The following MINDY2 variants were observed in gnomAD, a reference collection of about 807,000 sequenced individuals.
MINDY2 encodes ubiquitin carboxyl-terminal hydrolase MINDY-2.
A neutral mutation model predicts 68.2 loss-of-function variants in MINDY2; 52 were observed. The ratio of observed to expected loss-of-function variants is 0.76; its 90% confidence interval spans 0.61 to 0.96. The LOEUF (loss-of-function observed/expected upper bound fraction) is 0.96. MINDY2 is among the 40% of genes least tolerant of loss of function. The probability of loss-of-function intolerance (pLI) is 0.00; values close to 1 mark genes in which losing one functional copy is unlikely to be tolerated. For missense variants in MINDY2, 881 were observed against 773.4 expected (o/e 1.14, Z -1.65); for synonymous variants, 372 against 303.0 (o/e 1.23, Z -2.36).
intron 4 of MINDY2, among the ~76,000 whole-genome samples, chr15:58,814,152 C>G (rs369295246): frequency 1.3e-5 from 2 of 151,990 alleles, no homozygotes; most frequent in Non-Finnish European, 2.9e-5. Flanking sequence ...GTTAATCAGA[C>G]TGGTCATGAA....
chr15:58,821,849 T>A, intron 5 of MINDY2, 30 bp downstream of exon 5: 2 of 1,451,446 alleles, frequency 1.4e-6, no homozygotes, highest in Non-Finnish European at 1.9e-6. Context: ...TCCTGACTTT[T>A]GAAATTCTTG....
chr15:58,851,908 C>A lies in MINDY2; in HGVS notation c.1680C>A (p.Tyr560Ter). Residue 560 changes from tyrosine to a stop codon, truncating the protein, a stop_gained, in exon 8 of 9, where the codon TAC becomes TAA. Transcript: ENST00000559228. LOFTEE classifies it high-confidence loss of function. ...AAGAGGACAGACGGGCTTCTCAATA[C>A]TATCAGGAACAGGAACAAGCAGCAG... ...QEEEDRRASQ[Y>*]YQEQEQAAAA... 1 of 1,608,928 alleles carries A rather than the reference C, an allele frequency of 6.2e-7. No individual in the cohort carries two copies.
rs572997970 is a variant in MINDY2, at chr15:58,771,840, G to C, written c.445G>C (p.Glu149Gln). ...CQAELTAAGSEEPSSAGGLSS... is the reference protein window; with the variant it reads ...CQAELTAAGSQEPSSAGGLSS... ...AGCAGAACTGACCGCCGCCGGCTCCGAAGAGCCCAGCAGCGCCGGCGGCCT... is the reference window on the plus strand; with the variant it reads ...AGCAGAACTGACCGCCGCCGGCTCCCAAGAGCCCAGCAGCGCCGGCGGCCT... Residue 149 changes from glutamate (E) to glutamine (Q), a missense_variant, in exon 1 of 9, where the codon GAA becomes CAA. By Grantham distance (29) the Glu-to-Gln change is conservative. Coordinates refer to ENST00000559228, the MANE Select transcript of MINDY2 (RefSeq NM_001040450.3). 7 of 1,606,630 alleles carry C rather than the reference G, an allele frequency of 4.4e-6. No homozygotes were observed. Among genetic ancestry groups the C allele is most frequent in the African/African-American group, 2.7e-5 (2 of 74,898 alleles).
chr15:58,816,579 A>G (rs1265113068), intron 4 of MINDY2, among the ~76,000 whole-genome samples: 1 of 152,046 alleles, frequency 6.6e-6, no homozygotes, highest in African/African-American at 2.4e-5. Context: ...CTCACATACA[A>G]AGTATTTTAA....
intron 3 of MINDY2, 98 bp downstream of exon 3, chr15:58,802,475 A>T (rs1438191436): frequency 1.4e-6 from 1 of 726,796 alleles, no homozygotes; most frequent in African/African-American, 1.8e-5. Flanking sequence ...AAAGGATTAG[A>T]TAGTAAACAC....
At chr15:58,826,414 A>C (rs2141009562) in intron 5 of MINDY2, among the ~76,000 whole-genome samples, 1 of 152,004 alleles carries the variant, frequency 6.6e-6, no homozygotes, top group African/African-American at 2.4e-5. Context: ...TTTTTAGTAG[A>C]GATGGGGTTT....
chr15:58,823,248 C>T (rs569432658), intron 5 of MINDY2, among the ~76,000 whole-genome samples: 7 of 151,860 alleles, frequency 4.6e-5, no homozygotes, highest in East Asian at 1.9e-4. Context: ...AGCCATTCTC[C>T]TTCCTCAGCC....
At chr15:58,787,172 T>A (rs1170229111) in intron 1 of MINDY2, among the ~76,000 whole-genome samples, 1 of 143,474 alleles carries the variant, frequency 7.0e-6, no homozygotes, top group Non-Finnish European at 1.5e-5. Flanking sequence ...TTTACTCTGT[T>A]GCCCAGGCCA....
intron 2 of MINDY2, among the ~76,000 whole-genome samples, chr15:58,797,432 T>C (rs1249951045): frequency 3.9e-5 from 6 of 152,144 alleles, no homozygotes; most frequent in Non-Finnish European, 8.8e-5. Context: ...CACTTGAGCC[T>C]GGAAGTTCAA....
intron 2 of MINDY2, among the ~76,000 whole-genome samples, chr15:58,798,329 G>C (rs191517021): frequency 6.8e-6 from 1 of 147,300 alleles, no homozygotes; most frequent in African/African-American, 2.5e-5. Context: ...ATTTGTCTAT[G>C]TTGGCCAGGC....
At chr15:58,778,794 TTTTTTTTC>T (rs1389643871) in intron 1 of MINDY2, among the ~76,000 whole-genome samples, 1 of 143,116 alleles carries the variant, frequency 7.0e-6, no homozygotes, top group South Asian at 2.2e-4. Context: ...GCCCACCTAA[TTTTTTTTC>T]TTTTTTTCTT....
Position 58,855,349 on chromosome 15 carries a change from G to A in MINDY2, c.*739G>A, listed in dbSNP as rs16940856. The A allele has an allele frequency of 0.094, 14,376 of 152,454 alleles. 724 individuals carry two copies. The highest frequency in any genetic ancestry group is 0.17 in the Admixed American group (2,537 of 15,258). 9.4% of individuals were successfully genotyped at this position (152,454 alleles called of 1,614,324 possible). On this transcript the variant is annotated 3_prime_UTR_variant, in exon 9 of 9. Coordinates refer to ENST00000559228, the MANE Select transcript of MINDY2 (RefSeq NM_001040450.3). ...TGTTGTAAAATTTTGAGGAATTTTGGAGTCTTTATCATAGGTAACCTGGAC... is the reference window on the plus strand; with the variant it reads ...TGTTGTAAAATTTTGAGGAATTTTGAAGTCTTTATCATAGGTAACCTGGAC...
At chr15:58,833,309 A>G (rs1595763680) in intron 6 of MINDY2, among the ~76,000 whole-genome samples, 1 of 152,186 alleles carries the variant, frequency 6.6e-6, no homozygotes, top group South Asian at 2.1e-4. Context: ...CACACACTAT[A>G]CCTTCTAATT....
intron 4 of MINDY2, among the ~76,000 whole-genome samples, chr15:58,821,215 T>C (rs1445725726): frequency 6.6e-6 from 1 of 151,620 alleles, no homozygotes; most frequent in East Asian, 1.9e-4. Context: ...TCTACTCATA[T>C]CTCCACTATA....
Position 58,812,457 on chromosome 15 carries a change from A to G in MINDY2, c.1122+2069A>G, listed in dbSNP as rs1595739408. ...GTCTCAAAAAAAAAAAAAAAGAAAT[A>G]ATAAAGAATGATCCCTCATACCTTT... On this transcript the variant is annotated intron_variant, in intron 4 of 8. Coordinates refer to ENST00000559228, the MANE Select transcript of MINDY2 (RefSeq NM_001040450.3). Among the ~76,000 whole-genome samples the G allele has an allele frequency of 2.0e-5, 3 of 152,072 alleles. No homozygotes were observed. The South Asian group carries it at 6.2e-4, about 32-fold the overall frequency.
intron 4 of MINDY2, among the ~76,000 whole-genome samples, chr15:58,811,691 T>G (rs576500279): frequency 6.6e-6 from 1 of 152,316 alleles, no homozygotes; most frequent in South Asian, 2.1e-4. Context: ...ACTCCCACTT[T>G]CTGATTTCCT....
intron 7 of MINDY2, among the ~76,000 whole-genome samples, chr15:58,848,732 C>T (rs945538897): frequency 3.9e-5 from 6 of 152,018 alleles, no homozygotes; most frequent in South Asian, 2.1e-4. Flanking sequence ...GGCAACAGAG[C>T]GAGACTCCAT....
chr15:58,798,103 T>C (rs1260608716), intron 2 of MINDY2, among the ~76,000 whole-genome samples: 1 of 152,006 alleles, frequency 6.6e-6, no homozygotes, highest in Non-Finnish European at 1.5e-5. Flanking sequence ...TTCCTCTACT[T>C]GTGTTTTTCT....
intron 2 of MINDY2, among the ~76,000 whole-genome samples, chr15:58,798,420 C>T (rs1902425804): frequency 6.6e-6 from 1 of 151,640 alleles, no homozygotes; most frequent in Admixed American, 6.6e-5. Context: ...CCACCACACC[C>T]AGACCTTTTC....
Sources: allele counts gnomAD v4.1 joint callset (sites outside exome capture counted in the v4.1 genomes callset), GRCh38; gene constraint gnomAD v4.1.1; transcripts MANE v1.5; gene names NCBI Gene and HGNC (gene_info 2026-07-23, HGNC 2026-07-21).